The following SIPA1L3 variants were observed in gnomAD, a reference collection of about 807,000 sequenced individuals.
SIPA1L3 encodes signal induced proliferation associated 1 like 3.
Under a neutral mutation model 150.1 loss-of-function variants are expected in SIPA1L3, and 59 were observed. The ratio of observed to expected loss-of-function variants is 0.39; its 90% confidence interval spans 0.32 to 0.49. The LOEUF is 0.49. Ranked by LOEUF, SIPA1L3 falls within the 20% of genes least tolerant of loss-of-function variation. The pLI is 0.86. For missense variants in SIPA1L3, 2,211 were observed against 2,489.5 expected, an observed-to-expected ratio of 0.89 and a Z score of 2.38; for synonymous variants, 1,070 against 1,077.6, an observed-to-expected ratio of 0.99 and a Z score of 0.14.
chr19:38,062,871 G>A (rs187876893), intron 2 of SIPA1L3, among the ~76,000 whole-genome samples: 1 of 151,972 alleles, frequency 6.6e-6, no homozygotes, highest in Non-Finnish European at 1.5e-5. Context: ...TCCGCCTGCC[G>A]TGGCCTCCCA....
At chr19:38,089,187 A>G (rs150855986) in intron 4 of SIPA1L3, among the ~76,000 whole-genome samples, 1 of 152,022 alleles carries the variant, frequency 6.6e-6, no homozygotes, top group East Asian at 1.9e-4. Context: ...GTGTGGTAGC[A>G]CGCGCCTGTA....
chr19:38,051,601 T>TTTTG (rs924698717), intron 2 of SIPA1L3, among the ~76,000 whole-genome samples: 1 of 152,144 alleles, frequency 6.6e-6, no homozygotes, highest in Non-Finnish European at 1.5e-5. Context: ...GGTTTGGTTT[T>TTTTG]TTTGTTTGTT....
intron 1 of SIPA1L3, among the ~76,000 whole-genome samples, chr19:37,996,623 C>T (rs1967643303): frequency 6.6e-6 from 1 of 152,112 alleles, no homozygotes; most frequent in Non-Finnish European, 1.5e-5. Context: ...GAACTTATTT[C>T]TCTTGTCCAA....
intron 1 of SIPA1L3, among the ~76,000 whole-genome samples, chr19:37,969,242 G>C (rs2046931944): frequency 6.7e-6 from 1 of 148,946 alleles, no homozygotes; most frequent in Non-Finnish European, 1.5e-5. Context: ...CTGTTAAAAA[G>C]AAAAAAAGAA....
At chr19:37,907,579 G>T (rs1900101440) in intron 1 of SIPA1L3, 1 of 152,260 alleles carries the variant, frequency 6.6e-6, no homozygotes, top group Non-Finnish European at 1.5e-5. Flanking sequence ...GAGCTTGGAG[G>T]CGGGGAGCGG....
In SIPA1L3 at chr19:38,130,738, A is replaced by T; in HGVS notation, c.3109A>T (p.Ile1037Phe). Residue 1037 changes from isoleucine (I) to phenylalanine (F), a missense_variant, in exon 10 of 22, where the codon ATC (isoleucine) becomes TTC (phenylalanine). Ile to Phe is a conservative substitution (Grantham distance 21). This residue lies in a region of SIPA1L3 where 625 missense variants were observed against 804.2 expected (regional missense o/e 0.78). Coordinates refer to ENST00000222345, the MANE Select transcript of SIPA1L3 (RefSeq NM_015073.3). ...LRTSVTVKVVIIPPFEDGTPR... is the reference protein window; with the variant it reads ...LRTSVTVKVVFIPPFEDGTPR... Reference sequence around the variant, plus strand: ...CACCTCTGTCACTGTGAAGGTGGTCATCATCCCGCCTTTTGAGGACGGCAC... The same window carrying T: ...CACCTCTGTCACTGTGAAGGTGGTCTTCATCCCGCCTTTTGAGGACGGCAC... 1 of 1,611,232 alleles carries T rather than the reference A, an allele frequency of 6.2e-7. No homozygotes were observed. Among genetic ancestry groups the T allele is most frequent in the Non-Finnish European group, 8.5e-7 (1 of 1,177,636 alleles).
intron 12 of SIPA1L3, among the ~76,000 whole-genome samples, chr19:38,144,411 T>C (rs1971662271): frequency 6.6e-6 from 1 of 152,228 alleles, no homozygotes; most frequent in Non-Finnish European, 1.5e-5. Context: ...CCACCTGCCT[T>C]AAGACCAGGG....
intron 1 of SIPA1L3, among the ~76,000 whole-genome samples, chr19:38,025,221 C>G (rs111717763): frequency 0.012 from 1,764 of 152,334 alleles, 38 homozygotes; most frequent in African/African-American, 0.041. Flanking sequence ...GCCAGGACGC[C>G]TTTCCCCCTT....
chr19:38,141,366 C>G lies in SIPA1L3; in HGVS notation c.3326C>G (p.Ser1109Cys). Residue 1109 changes from serine (S) to cysteine (C), a missense_variant, in exon 11 of 22, where the codon TCC becomes TGC. Transcript: ENST00000222345. ...CCAACCACTCCCGGCCATGCCCAGT[C>G]CCTGAGCCGGCCCCTGAAGCAGACC... Reference protein sequence around the residue: ...ATPTTPGHAQSLSRPLKQTPI... With the variant: ...ATPTTPGHAQCLSRPLKQTPI... 24 of 1,613,936 alleles carry G rather than the reference C, an allele frequency of 1.5e-5. No homozygotes were observed. The highest frequency in any genetic ancestry group is 2.0e-5 in the Non-Finnish European group (24 of 1,179,998).
intron 1 of SIPA1L3, among the ~76,000 whole-genome samples, chr19:38,008,217 C>CCT (rs1555776525): frequency 2.0e-5 from 1 of 50,094 alleles, no homozygotes. Flanking sequence ...CCATAGGCTG[C>CCT]TTTTTTTTTT....
intron 12 of SIPA1L3, among the ~76,000 whole-genome samples, chr19:38,146,078 G>A (rs1243153524): frequency 1.3e-5 from 2 of 152,180 alleles, no homozygotes; most frequent in Non-Finnish European, 2.9e-5. Context: ...TGCTGAGACT[G>A]ATCTTGAAGC....
intron 1 of SIPA1L3, among the ~76,000 whole-genome samples, chr19:37,949,656 T>C (rs1241946895): frequency 6.9e-6 from 1 of 145,706 alleles, no homozygotes; most frequent in East Asian, 2.1e-4. Flanking sequence ...CGAGAGAAAC[T>C]CTGTCTCAAA....
chr19:38,114,738 G>C (rs539308940), intron 8 of SIPA1L3, among the ~76,000 whole-genome samples: 40 of 152,232 alleles, frequency 2.6e-4, no homozygotes, highest in Non-Finnish European at 5.1e-4. Flanking sequence ...AACTGTGCTG[G>C]GGAATCCACT....
intron 17 of SIPA1L3, among the ~76,000 whole-genome samples, chr19:38,192,729 C>A (rs555130465): frequency 6.6e-6 from 1 of 152,284 alleles, no homozygotes; most frequent in African/African-American, 2.4e-5. Flanking sequence ...GCCAGGGAAC[C>A]TCCACAGCAT....
chr19:38,126,995 C>A (rs1032696664), intron 9 of SIPA1L3, among the ~76,000 whole-genome samples: 2 of 152,044 alleles, frequency 1.3e-5, no homozygotes, highest in African/African-American at 4.8e-5. Context: ...GATTTCGACA[C>A]CAGCCTGACC....
chr19:38,153,335 C>T (rs967447331), intron 13 of SIPA1L3, among the ~76,000 whole-genome samples: 8 of 152,210 alleles, frequency 5.3e-5, no homozygotes, highest in African/African-American at 1.9e-4. Context: ...CATAAACCCT[C>T]CTGTGTTGTT....
chr19:38,155,901 C>A lies in SIPA1L3; in HGVS notation c.3661+2934C>A, dbSNP rs565167135. On this transcript the variant is annotated intron_variant, in intron 13 of 21. Transcript: ENST00000222345. ...TTCGAGACCAGCCTGGCCAACTTGGCGAAACCCCTTCTCTACTAAAAATAC... is the reference window on the plus strand; with the variant it reads ...TTCGAGACCAGCCTGGCCAACTTGGAGAAACCCCTTCTCTACTAAAAATAC... 2.6e-5 allele frequency among the ~76,000 whole-genome samples: 4 copies of A among 151,982 alleles called. No individual in the cohort carries two copies. In the East Asian group the frequency reaches 7.7e-4, roughly 29 times the overall value.
Position 38,110,265 on chromosome 19 carries a change from G to T in SIPA1L3, c.2172G>T (p.Thr724=), listed in dbSNP as rs149241842. The stretch of plus-strand genomic sequence containing the variant: ...GGCACATAGGAAATGACATCGTGAC[G>T]ATCATCTTCCAGGAGCCTGGCGCGC... ...RKRHIGNDIV[T]IIFQEPGALP... Residue 724 remains threonine, a synonymous_variant, in exon 8 of 22, where the codon ACG becomes ACT. Coordinates refer to ENST00000222345, the MANE Select transcript of SIPA1L3 (RefSeq NM_015073.3). 5.6e-6 allele frequency: 9 copies of T among 1,613,992 alleles called. No homozygotes were observed. The highest frequency in any genetic ancestry group is 3.3e-4 in the Middle Eastern group (2 of 6,084).
At chr19:38,181,335 T>TTA (rs1451836163) in intron 15 of SIPA1L3, among the ~76,000 whole-genome samples, 2 of 152,178 alleles carry the variant, frequency 1.3e-5, no homozygotes, top group Admixed American at 6.6e-5. Context: ...ATTTATTAAC[T>TTA]TATATATATA....
Sources: allele counts gnomAD v4.1 joint callset (sites outside exome capture counted in the v4.1 genomes callset), GRCh38; gene constraint gnomAD v4.1.1; regional missense constraint gnomAD v4.1.1; transcripts MANE v1.5; gene names NCBI Gene and HGNC (gene_info 2026-07-23, HGNC 2026-07-21).